NRK: variants seen among roughly 807,000 people sequenced by gnomAD.
NRK encodes the protein nik-related protein kinase.
Under a neutral mutation model 125.2 loss-of-function variants are expected in NRK, and 67 were observed. That is an observed-to-expected ratio of 0.54 (90% CI 0.44 to 0.66). The LOEUF is 0.66. Among genes scored for constraint, NRK ranks in the 30% least tolerant of loss-of-function variants. NRK has a pLI of 0.00. For missense variants in NRK, 1,224 were observed against 1,192.9 expected, an observed-to-expected ratio of 1.03 and a Z score of -0.38; for synonymous variants, 458 against 429.0, an observed-to-expected ratio of 1.07 and a Z score of -0.84.
rs1306074319 is a variant in NRK, at chrX:105,822,715, C to G, written c.-131C>G. ...CCTCCTCTATCTCCCACGCCACGAA[C>G]CCCGATCCCCAGACTCCTCTCTCCC... On this transcript the variant is annotated 5_prime_UTR_variant, in exon 1 of 29. Coordinates refer to ENST00000243300, the MANE Select transcript of NRK (RefSeq NM_198465.4). 1.1e-5 allele frequency: 7 copies of G among 637,407 alleles called. No homozygotes were observed. Among genetic ancestry groups the G allele is most frequent in the South Asian group, 2.4e-5 (1 of 41,358 alleles). 52.5% of individuals were successfully genotyped at this position (637,407 alleles called of 1,213,427 possible). A position where few individuals can be genotyped will look rare whatever the true frequency, so the allele number is the denominator to read the frequency against.
chrX:105,947,818 T>C (rs1352486071), intron 26 of NRK, among the ~76,000 whole-genome samples: 1 of 112,461 alleles, frequency 8.9e-6, no homozygotes, highest in African/African-American at 3.2e-5. Context: ...TTGTCTCATA[T>C]GTCTCTAACA....
At chrX:105,905,704 C>T (rs1199007854) in intron 10 of NRK, among the ~76,000 whole-genome samples, 1 of 112,279 alleles carries the variant, frequency 8.9e-6, no homozygotes, top group Non-Finnish European at 1.9e-5. Flanking sequence ...TACATTAAAC[C>T]AAACACACAC....
intron 16 of NRK, 60 bp from the exon 17 acceptor site, chrX:105,921,904 A>G: frequency 3.6e-6 from 2 of 549,500 alleles, no homozygotes; most frequent in Non-Finnish European, 6.3e-6. Context: ...GATACACTAT[A>G]CATATGAAGG....
chrX:105,936,834 A>G (rs757249028), intron 21 of NRK, among the ~76,000 whole-genome samples: 3 of 111,811 alleles, frequency 2.7e-5, no homozygotes, highest in Admixed American at 1.9e-4. Flanking sequence ...AACTAATTTC[A>G]TAGGCATTTG....
chrX:105,845,193 C>T (rs60854723), intron 2 of NRK, among the ~76,000 whole-genome samples: 12,849 of 111,394 alleles, frequency 0.12, 1,815 homozygotes, highest in African/African-American at 0.4. Context: ...TTTACTTAGC[C>T]TCAATCAAAT....
rs1210824097 is a variant in NRK, at chrX:105,940,020, C to T, written c.3946C>T (p.His1316Tyr). Reference protein sequence around the residue: ...KAIDKLTGCEHFSVLQHEETT... With the variant: ...KAIDKLTGCEYFSVLQHEETT... Reference sequence around the variant, plus strand: ...TATTGATAAGTTAACAGGCTGTGAACACTTCAGTGTCCGTAAGCCACATTT... The same window carrying T: ...TATTGATAAGTTAACAGGCTGTGAATACTTCAGTGTCCGTAAGCCACATTT... Residue 1316 changes from histidine to tyrosine, a missense_variant, in exon 23 of 29, where the codon CAC becomes TAC. Transcript: ENST00000243300. 8.5e-7 allele frequency: 1 copy of T among 1,176,628 alleles called. No individual in the cohort carries two copies.
At chrX:105,841,804 C>T (rs1376730925) in intron 2 of NRK, among the ~76,000 whole-genome samples, 1 of 111,080 alleles carries the variant, frequency 9.0e-6, no homozygotes, top group Non-Finnish European at 1.9e-5. Flanking sequence ...AAATATTAGT[C>T]ACTTTAGAGA....
At chrX:105,887,852 T>A (rs955514986) in intron 4 of NRK, among the ~76,000 whole-genome samples, 1 of 111,870 alleles carries the variant, frequency 8.9e-6, no homozygotes, top group African/African-American at 3.3e-5. Flanking sequence ...CCTTTTGGAG[T>A]GATAAAAATG....
chrX:105,908,138 C>A, intron 11 of NRK, 102 bp from the exon 12 acceptor site: 1 of 459,661 alleles, frequency 2.2e-6, no homozygotes, highest in Non-Finnish European at 3.6e-6. Flanking sequence ...CCTTGTAATT[C>A]ACTCCACATC....
At chrX:105,923,509 C>T in intron 18 of NRK, 27 bp downstream of exon 18, 1 of 1,051,181 alleles carries the variant, frequency 9.5e-7, no homozygotes, top group Non-Finnish European at 1.2e-6. Flanking sequence ...TACTTATACT[C>T]TCCATGTTTT....
chrX:105,935,147 A>T, intron 20 of NRK, 23 bp from the exon 21 acceptor site: 1 of 1,143,508 alleles, frequency 8.7e-7, no homozygotes, highest in Non-Finnish European at 1.2e-6. Context: ...TTCCCTTATT[A>T]TCTTCCCCTT....
Position 105,906,566 on chromosome X carries a change from T to C in NRK, c.998T>C (p.Ile333Thr). 9.1e-7 allele frequency: 1 copy of C among 1,097,135 alleles called. No individual in the cohort carries two copies. Among genetic ancestry groups the C allele is most frequent in the South Asian group, 2.6e-5 (1 of 38,955 alleles). 90.4% of individuals were successfully genotyped at this position (1,097,135 alleles called of 1,213,427 possible). The change falls in exon 11 of 29, where the codon ATC (isoleucine) becomes ACC (threonine). Residue 333 changes from isoleucine (I) to threonine (T), a missense_variant. By Grantham distance (89) the Ile-to-Thr change is moderately conservative. Transcript: ENST00000243300. ...TCATTAACAAGGCATCTTACTGGAA[T>C]CATTAAAAAAAGACAGAAAAAAGGT... is the stretch of plus-strand genomic sequence containing the variant. ...VESLTRHLTG[I>T]IKKRQKKGIP... is the part of the protein sequence containing the mutation.
chrX:105,849,393 A>C (rs923057612), intron 2 of NRK, among the ~76,000 whole-genome samples: 3 of 111,437 alleles, frequency 2.7e-5, no homozygotes, highest in Non-Finnish European at 5.7e-5. Flanking sequence ...AGAGACAGCC[A>C]AACCATATCA....
At chrX:105,869,998 G>C (rs2039722240) in intron 2 of NRK, among the ~76,000 whole-genome samples, 1 of 111,460 alleles carries the variant, frequency 9.0e-6, no homozygotes, top group Admixed American at 9.6e-5. Context: ...TGTTGCTCTT[G>C]CCATACCCTC....
Position 105,838,343 on chromosome X carries a change from GT to G in NRK, c.123+7225del, listed in dbSNP as rs779552410. On this transcript the variant is annotated intron_variant, in intron 2 of 28. Transcript: ENST00000243300. The stretch of plus-strand genomic sequence containing the variant: ...ACACTCAATGTGAATGTAAAACTGG[GT>G]AGCTGGTATATTGGGAAGGTAGGAA... 3.6e-5 allele frequency among the ~76,000 whole-genome samples: 4 copies of G among 111,398 alleles called. No homozygotes were observed. The South Asian group carries it at 1.5e-3, about 43-fold the overall frequency.
intron 16 of NRK, among the ~76,000 whole-genome samples, chrX:105,921,045 G>A (rs1335327916): frequency 2.2e-5 from 2 of 91,594 alleles, no homozygotes; most frequent in Non-Finnish European, 4.3e-5. Context: ...TGTTTATTGC[G>A]GCATTATTCA....
rs2040644401 is a variant in NRK at position 105,935,120 on chromosome X, T to C, written c.3500-50T>C. ...AAAAAAAAATTCTGTAACTCCATCA[T>C]GCACAGAACTAGTAATTTCCCTTAT... On this transcript the variant is annotated intron_variant, in intron 20 of 28. Coordinates refer to ENST00000243300, the MANE Select transcript of NRK (RefSeq NM_198465.4). 7.1e-6 allele frequency: 7 copies of C among 987,139 alleles called. No individual in the cohort carries two copies. In the South Asian group the frequency reaches 1.2e-4, roughly 17 times the overall value. The allele number at this position is 987,139 out of a possible 1,213,427, so 81.4% of individuals were successfully genotyped here.
At chrX:105,920,602 T>A (rs1018167551) in intron 16 of NRK, among the ~76,000 whole-genome samples, 2 of 109,659 alleles carry the variant, frequency 1.8e-5, no homozygotes, top group African/African-American at 6.7e-5. Context: ...CTTGAAGAGG[T>A]CCTTCACATC....
intron 19 of NRK, among the ~76,000 whole-genome samples, chrX:105,933,595 T>C (rs2040624397): frequency 8.9e-6 from 1 of 112,296 alleles, no homozygotes; most frequent in Admixed American, 9.5e-5. Context: ...CCAGCTACAT[T>C]TTCAGTGATG....
Sources: gnomAD v4.1 joint callset for allele counts (sites outside exome capture counted in the v4.1 genomes callset) on GRCh38, gnomAD v4.1.1 for gene constraint, MANE v1.5 for transcripts, NCBI Gene and HGNC (gene_info 2026-07-23, HGNC 2026-07-21) for gene names.